Variants in WDR35 observed in about 807,000 individuals in gnomAD.
The protein encoded by WDR35 is WD repeat-containing protein 35.
A neutral mutation model predicts 158.3 loss-of-function variants in WDR35; 118 were observed. That is an observed-to-expected ratio of 0.75 (90% CI 0.64 to 0.87). WDR35 has a LOEUF of 0.87. Among genes scored for constraint, WDR35 ranks in the 40% least tolerant of loss-of-function variants. The pLI is 0.00. For synonymous variants in WDR35, 448 were observed against 476.1 expected, an observed-to-expected ratio of 0.94 and a Z score of 0.77; for missense variants, 1,263 against 1,405.8, an observed-to-expected ratio of 0.90 and a Z score of 1.62.
chr2:19,982,741 A>G (rs191542322), intron 2 of WDR35, among the ~76,000 whole-genome samples: 1 of 152,366 alleles, frequency 6.6e-6, no homozygotes, highest in Admixed American at 6.5e-5. Flanking sequence ...TATATAAATG[A>G]AGATTGTTTA....
intron 22 of WDR35, among the ~76,000 whole-genome samples, chr2:19,933,029 C>T (rs1044966251): frequency 1.1e-4 from 17 of 152,206 alleles, no homozygotes; most frequent in African/African-American, 4.1e-4. Flanking sequence ...ATTCCTTCCT[C>T]AGGCAATGAC....
At chr2:19,968,969 T>C (rs890280859) in intron 9 of WDR35, among the ~76,000 whole-genome samples, 2 of 152,234 alleles carry the variant, frequency 1.3e-5, no homozygotes, top group Admixed American at 1.3e-4. Flanking sequence ...GTTTGGCCAA[T>C]AGAAAGCACC....
At chr2:19,938,764 G>A (rs904002919) in intron 17 of WDR35, among the ~76,000 whole-genome samples, 6 of 152,038 alleles carry the variant, frequency 3.9e-5, no homozygotes, top group African/African-American at 9.7e-5. Flanking sequence ...TACTATTTAC[G>A]GTATTCAATA....
rs763735175 is a variant in WDR35 at position 19,953,817 on chromosome 2, T to C, written c.1400+17A>G. 2 of 1,613,840 alleles carry C rather than the reference T, an allele frequency of 1.2e-6. No homozygotes were observed. Among genetic ancestry groups the C allele is most frequent in the Admixed American group, 1.7e-5 (1 of 60,004 alleles). On this transcript the variant is annotated intron_variant, in intron 12 of 26. Coordinates refer to ENST00000281405, the MANE Select transcript of WDR35 (RefSeq NM_020779.4). ...GATATGGTTGAGCTACTAAAAAGTA[T>C]GTATCAAAAGATATACCTTTCTCTC...
In WDR35 at chr2:19,973,635, C is replaced by T. The variant is rs1558355376; in HGVS notation, c.810G>A (p.Val270=). Residue 270 remains valine, a synonymous_variant, in exon 8 of 27, where the codon GTG becomes GTA. Transcript: ENST00000281405. Reference sequence around the variant, plus strand: ...GCATGGCTGCCTTCTGGAAGCCTGCCACAGCTAACACGCTGCCCATGTGGT... The same window carrying T: ...GCATGGCTGCCTTCTGGAAGCCTGCTACAGCTAACACGCTGCCCATGTGGT... ...QWNHMGSVLA[V]AGFQKAAMQD... 2 of 1,614,190 alleles carry T rather than the reference C, an allele frequency of 1.2e-6. No homozygotes were observed. The highest frequency in any genetic ancestry group is 1.6e-4 in the Middle Eastern group (1 of 6,062).
At chr2:19,937,666 T>C (rs1670740718) in intron 19 of WDR35, 77 bp downstream of exon 19, 1 of 1,583,792 alleles carries the variant, frequency 6.3e-7, no homozygotes, top group Admixed American at 1.7e-5. Flanking sequence ...ACCTAACGTA[T>C]TTATAGTTTC....
rs67421990 is a variant in WDR35 at position 19,979,772 on chromosome 2, T to TACAC, written c.308-897_308-894dup. On this transcript the variant is annotated intron_variant, in intron 4 of 26. Coordinates refer to ENST00000281405, the MANE Select transcript of WDR35 (RefSeq NM_020779.4). ...CACTGAACTTTCACATTCTATCCCCTACACACACACACACACACACACACA... is the reference window on the plus strand; with the variant it reads ...CACTGAACTTTCACATTCTATCCCCTACACACACACACACACACACACACACACA... 8.4e-3 allele frequency among the ~76,000 whole-genome samples: 1,235 copies of TACAC among 146,288 alleles called. 18 individuals carry two copies. Among genetic ancestry groups the TACAC allele is most frequent in the African/African-American group, 0.028 (1,134 of 39,918 alleles).
At chr2:19,962,203 C>T (rs557025083) in intron 10 of WDR35, 5 of 1,334,100 alleles carry the variant, frequency 3.7e-6, no homozygotes, top group African/African-American at 1.5e-5. Flanking sequence ...TTCTGAAGTC[C>T]CCTCATATTG....
At chr2:19,983,997 T>C (rs1572369849) in intron 2 of WDR35, among the ~76,000 whole-genome samples, 1 of 146,938 alleles carries the variant, frequency 6.8e-6, no homozygotes. Flanking sequence ...AAATCCATTC[T>C]AATGCATATA....
intron 25 of WDR35, among the ~76,000 whole-genome samples, chr2:19,917,647 C>T (rs975008033): frequency 2.0e-5 from 3 of 152,102 alleles, no homozygotes; most frequent in Non-Finnish European, 2.9e-5. Flanking sequence ...GGATATCAGA[C>T]ATTGAAGATC....
Position 19,935,855 on chromosome 2 carries a change from C to A in WDR35, c.2415-252G>T, listed in dbSNP as rs555709755. Among the ~76,000 whole-genome samples, 4 of 127,498 alleles carry A rather than the reference C, an allele frequency of 3.1e-5. No individual in the cohort carries two copies. The South Asian group carries it at 1.2e-3, about 38-fold the overall frequency. The allele number at this position is 127,498 out of a possible 152,430, so 83.6% of individuals were successfully genotyped here. On this transcript the variant is annotated intron_variant, in intron 20 of 26. Coordinates refer to ENST00000281405, the MANE Select transcript of WDR35 (RefSeq NM_020779.4). ...CCAAACACTGACATAAATAAGCATA[C>A]TAATCAAAATGAAAAGAAAAGCCAA...
intron 6 of WDR35, 123 bp from the exon 7 acceptor site, chr2:19,974,756 T>C (rs1419446042): frequency 9.7e-6 from 9 of 926,940 alleles, no homozygotes; most frequent in Non-Finnish European, 1.3e-5. Context: ...GGTGGCAAAT[T>C]AAAGCTTAAT....
intron 25 of WDR35, among the ~76,000 whole-genome samples, chr2:19,915,458 T>C (rs1198922283): frequency 6.6e-6 from 1 of 150,762 alleles, no homozygotes; most frequent in Non-Finnish European, 1.5e-5. Flanking sequence ...AAATGAGGCA[T>C]ATAGAGATCT....
intron 17 of WDR35, among the ~76,000 whole-genome samples, chr2:19,940,933 A>G (rs573131492): frequency 1.3e-5 from 2 of 152,110 alleles, no homozygotes; most frequent in African/African-American, 4.8e-5. Flanking sequence ...ATCCAAACCA[A>G]ATTTTGGGTG....
At chr2:19,962,355 GA>G (rs1192923131) in intron 10 of WDR35, 1 of 1,611,550 alleles carries the variant, frequency 6.2e-7, no homozygotes, top group Non-Finnish European at 8.5e-7. Flanking sequence ...AATGACAGGA[GA>G]AATTCAGAAA....
intron 16 of WDR35, 81 bp downstream of exon 16, chr2:19,945,704 TA>T: frequency 6.5e-7 from 1 of 1,526,760 alleles, no homozygotes; most frequent in South Asian, 1.1e-5. Context: ...ACAAACTTCT[TA>T]AAGAAACAAA....
Position 19,973,674 on chromosome 2 carries a change from T to G in WDR35, c.771A>C (p.Val257=), listed in dbSNP as rs770510137. 3.1e-6 allele frequency: 5 copies of G among 1,614,072 alleles called. No individual in the cohort carries two copies. Among genetic ancestry groups the G allele is most frequent in the Non-Finnish European group, 4.2e-6 (5 of 1,180,036 alleles). The change falls in exon 8 of 27, where the codon GTA becomes GTC. Residue 257 remains valine (V), a synonymous_variant. Coordinates refer to ENST00000281405, the MANE Select transcript of WDR35 (RefSeq NM_020779.4). The stretch of plus-strand genomic sequence containing the variant: ...TGCCCATGTGGTTCCACTGGATGCC[T>G]ACTACGTACATGCCAGTGTCAATCA... ...PVLIDTGMYV[V]GIQWNHMGSV...
chr2:19,941,716 C>A (rs774312896), intron 17 of WDR35, 43 bp downstream of exon 17: 11 of 1,394,644 alleles, frequency 7.9e-6, no homozygotes, highest in East Asian at 5.0e-5. Context: ...AGAAATAATC[C>A]CCTGTCAAGC....
chr2:19,935,868 A>G (rs996472601), intron 20 of WDR35, among the ~76,000 whole-genome samples: 1 of 116,524 alleles, frequency 8.6e-6, no homozygotes, highest in Non-Finnish European at 1.8e-5. Context: ...ATCAAAATGA[A>G]AAGAAAAGCC....
Sources: gnomAD v4.1 joint callset for allele counts (sites outside exome capture counted in the v4.1 genomes callset) on GRCh38, gnomAD v4.1.1 for gene constraint, MANE v1.5 for transcripts, NCBI Gene and HGNC (gene_info 2026-07-23, HGNC 2026-07-21) for gene names.